The following PTPRN2 variants were observed in gnomAD, a reference collection of about 807,000 sequenced individuals.
PTPRN2 encodes the protein receptor-type tyrosine-protein phosphatase N2.
In PTPRN2, 74 loss-of-function variants were observed where a neutral mutation model predicts 118.8. The ratio of observed to expected loss-of-function variants is 0.62; its 90% CI spans 0.52 to 0.76. The LOEUF is 0.76. Among genes scored for constraint, PTPRN2 ranks in the 30% least tolerant of loss-of-function variants. The pLI, the probability that PTPRN2 is intolerant of heterozygous loss-of-function variation, is 0.00. For synonymous variants in PTPRN2, 641 were observed against 608.0 expected, an observed-to-expected ratio of 1.05 and a Z score of -0.80; for missense variants, 1,481 against 1,394.4, an observed-to-expected ratio of 1.06 and a Z score of -0.99.
At chr7:157,719,922 A>C (rs933116292) in intron 12 of PTPRN2, among the ~76,000 whole-genome samples, 5 of 152,032 alleles carry the variant, frequency 3.3e-5, no homozygotes, top group African/African-American at 1.2e-4. Flanking sequence ...TGAGTCCTTA[A>C]GTCTGAGGCA....
intron 2 of PTPRN2, among the ~76,000 whole-genome samples, chr7:158,358,049 G>A (rs1029339124): frequency 1.3e-5 from 2 of 152,154 alleles, no homozygotes; most frequent in African/African-American, 4.8e-5. Context: ...GCTTAAGGTG[G>A]CTCCTTAGAA....
chr7:158,425,851 C>T, intron 2 of PTPRN2, among the ~76,000 whole-genome samples: 1 of 132,934 alleles, frequency 7.5e-6, no homozygotes, highest in Admixed American at 7.2e-5. Context: ...TGCGCACCGC[C>T]GGGAAAGACG....
At chr7:158,441,489 G>GGTGATAGTGATGGTGATGGCAGTGATA (rs1563297812) in intron 2 of PTPRN2, among the ~76,000 whole-genome samples, 24 of 147,932 alleles carry the variant, frequency 1.6e-4, no homozygotes, top group Non-Finnish European at 3.1e-4. Flanking sequence ...TGGTGGTGAT[G>GGTGATAGTGATGGTGATGGCAGTGATA]GTGATAGTGA....
intron 2 of PTPRN2, among the ~76,000 whole-genome samples, chr7:158,323,941 G>A (rs967621271): frequency 6.6e-6 from 1 of 150,760 alleles, no homozygotes; most frequent in Non-Finnish European, 1.5e-5. Flanking sequence ...ACACTCACAC[G>A]CACCCACGTG....
chr7:158,476,283 C>T (rs1820256103), intron 2 of PTPRN2, among the ~76,000 whole-genome samples: 1 of 152,346 alleles, frequency 6.6e-6, no homozygotes, highest in African/African-American at 2.4e-5. Context: ...GGATTACAGG[C>T]GTGAGCCACT....
At chr7:157,804,825 C>G (rs921344108) in intron 12 of PTPRN2, among the ~76,000 whole-genome samples, 1 of 152,242 alleles carries the variant, frequency 6.6e-6, no homozygotes, top group South Asian at 2.1e-4. Flanking sequence ...CCCCTTCTCC[C>G]AGTCCTGCCT....
At position 158,517,139 on chromosome 7, in the gene PTPRN2, G is replaced by C. The variant is rs768382839; in HGVS notation, c.113-27354C>G. Among the ~76,000 whole-genome samples, 35 of 152,198 alleles carry C rather than the reference G, an allele frequency of 2.3e-4. No individual in the cohort carries two copies. The highest frequency in any genetic ancestry group is 3.8e-4 in the Non-Finnish European group (26 of 68,038). On this transcript the variant is annotated intron_variant, in intron 1 of 22. Coordinates refer to ENST00000389418, the MANE Select transcript of PTPRN2 (RefSeq NM_002847.5). This position sits in a 1 kb window ranked among gnomAD's most constrained non-coding sequence, Gnocchi z 5.3. Reference sequence around the variant, plus strand: ...TGACAAAGGCCAGCAGGACAGAACAGTACAACGCTGGTTCCACAGTGTGGT... The same window carrying C: ...TGACAAAGGCCAGCAGGACAGAACACTACAACGCTGGTTCCACAGTGTGGT...
chr7:157,884,065 G>A (rs1429485066), intron 12 of PTPRN2, among the ~76,000 whole-genome samples: 1 of 150,674 alleles, frequency 6.6e-6, no homozygotes, highest in Non-Finnish European at 1.5e-5. Flanking sequence ...ACCCCAAAAT[G>A]CCTGTCAGAG....
At chr7:158,032,822 G>A (rs1156606115) in intron 11 of PTPRN2, among the ~76,000 whole-genome samples, 1 of 152,184 alleles carries the variant, frequency 6.6e-6, no homozygotes, top group Non-Finnish European at 1.5e-5. Context: ...GCACCGTGTG[G>A]AGGACGGTAC....
At chr7:158,265,331 C>T (rs1797799596) in intron 3 of PTPRN2, among the ~76,000 whole-genome samples, 1 of 152,068 alleles carries the variant, frequency 6.6e-6, no homozygotes, top group Admixed American at 6.5e-5. Context: ...TGCAGGGGCA[C>T]ACTTGTGGAT....
chr7:157,596,613 C>T lies in PTPRN2; in HGVS notation c.2419-1298G>A, dbSNP rs959713120. 2.0e-5 allele frequency among the ~76,000 whole-genome samples: 3 copies of T among 152,168 alleles called. No homozygotes were observed. Among genetic ancestry groups the T allele is most frequent in the Non-Finnish European group, 4.4e-5 (3 of 68,040 alleles). ...AGCCCAGGCCACCCTGCAAAGGACACGAAGATACCAGGACATCACTATCAT... is the reference window on the plus strand; with the variant it reads ...AGCCCAGGCCACCCTGCAAAGGACATGAAGATACCAGGACATCACTATCAT... On this transcript the variant is annotated intron_variant, in intron 16 of 22. Transcript: ENST00000389418. The surrounding 1 kb of genome is among the most constrained non-coding windows in gnomAD (Gnocchi z 4.2).
chr7:158,194,581 G>A (rs1826061837), intron 4 of PTPRN2, among the ~76,000 whole-genome samples: 1 of 152,218 alleles, frequency 6.6e-6, no homozygotes, highest in African/African-American at 2.4e-5. Flanking sequence ...GCCAGCACAA[G>A]ACTCAGGCCT....
chr7:158,330,932 C>T lies in PTPRN2; in HGVS notation c.164-14000G>A, dbSNP rs1462665906. On this transcript the variant is annotated intron_variant, in intron 2 of 22. Coordinates refer to ENST00000389418, the MANE Select transcript of PTPRN2 (RefSeq NM_002847.5). ...CACCTGCAGACGTCACTCACACCCA[C>T]ACTCTCACGATAAGAGCTGTCACAC... is the stretch of plus-strand genomic sequence containing the variant. 4.9e-4 allele frequency among the ~76,000 whole-genome samples: 55 copies of T among 113,170 alleles called. 3 individuals carry two copies. The highest frequency in any genetic ancestry group is 1.7e-3 in the African/African-American group (53 of 30,484). The allele number at this position is 113,170 out of a possible 152,430, so 74.2% of individuals were successfully genotyped here. A position where few individuals can be genotyped will look rare whatever the true frequency, so the allele number is the denominator to read the frequency against.
intron 11 of PTPRN2, among the ~76,000 whole-genome samples, chr7:157,916,575 G>T (rs1346971314): frequency 6.6e-6 from 1 of 152,232 alleles, no homozygotes; most frequent in Non-Finnish European, 1.5e-5. Flanking sequence ...CCTGTGTGTG[G>T]TCTAAGAGGT....
intron 10 of PTPRN2, among the ~76,000 whole-genome samples, chr7:158,099,061 C>T (rs13312065): frequency 4.0e-5 from 1 of 25,148 alleles, no homozygotes; most frequent in East Asian, 1.3e-3. Flanking sequence ...GGCTGCCTCC[C>T]CTTCCTCCCC....
chr7:158,396,613 G>C (rs1031883516), intron 2 of PTPRN2, among the ~76,000 whole-genome samples: 1 of 151,936 alleles, frequency 6.6e-6, no homozygotes, highest in Admixed American at 6.6e-5. Flanking sequence ...GAGCTCTGAA[G>C]GGGGCACTCA....
chr7:158,279,578 G>A (rs774951600), intron 3 of PTPRN2, among the ~76,000 whole-genome samples: 8 of 152,210 alleles, frequency 5.3e-5, no homozygotes, highest in Non-Finnish European at 8.8e-5. Context: ...GTCCTCTCAC[G>A]GGATCCAGCC....
In PTPRN2 at chr7:158,022,680, C is replaced by T. The variant is rs1447613157; in HGVS notation, c.1723+58618G>A. ...TAGCCAAGGCCCAGGCACCTGGGCA[C>T]TCTGTCTGGGGCAGCCTCTGGCTTT... On this transcript the variant is annotated intron_variant, in intron 11 of 22. Transcript: ENST00000389418. This position sits in a 1 kb window ranked among gnomAD's most constrained non-coding sequence, Gnocchi z 4.6. Among the ~76,000 whole-genome samples the T allele has an allele frequency of 6.6e-6, 1 of 152,178 alleles. No homozygotes were observed. Among genetic ancestry groups the T allele is most frequent in the Non-Finnish European group, 1.5e-5 (1 of 68,032 alleles).
At chr7:158,071,566 TCC>T (rs1473499985) in intron 11 of PTPRN2, among the ~76,000 whole-genome samples, 415 of 29,384 alleles carry the variant, frequency 0.014, 22 homozygotes, top group Non-Finnish European at 0.027. Flanking sequence ...GTGGAGGTGC[TCC>T]TGGTGGAGGT....
Sources: allele counts gnomAD v4.1 joint callset (sites outside exome capture counted in the v4.1 genomes callset), GRCh38; gene constraint gnomAD v4.1.1; non-coding constraint Gnocchi (gnomAD v3.1); transcripts MANE v1.5; gene names NCBI Gene and HGNC (gene_info 2026-07-23, HGNC 2026-07-21).